MAN1A1: variants seen among roughly 807,000 people sequenced by gnomAD.
MAN1A1 encodes the protein mannosyl-oligosaccharide 1,2-alpha-mannosidase IA.
In MAN1A1, 29 loss-of-function variants were observed where a neutral mutation model predicts 70.8. The ratio of observed to expected loss-of-function variants is 0.41; its 90% CI spans 0.31 to 0.56. The LOEUF is 0.56. Among genes scored for constraint, MAN1A1 ranks in the 20% least tolerant of loss-of-function variants. MAN1A1 has a pLI of 0.29. For synonymous variants in MAN1A1, 349 were observed against 330.1 expected (o/e 1.06, Z -0.62); for missense variants, 747 against 841.3 (o/e 0.89, Z 1.39).
chr6:119,326,350 C>G (rs558360142), intron 2 of MAN1A1, among the ~76,000 whole-genome samples: 1 of 152,188 alleles, frequency 6.6e-6, no homozygotes, highest in Non-Finnish European at 1.5e-5. Flanking sequence ...TCTCTGGGCA[C>G]GAGCACCTGT....
At chr6:119,180,816 A>G (rs539699884) in intron 11 of MAN1A1, among the ~76,000 whole-genome samples, 14 of 152,258 alleles carry the variant, frequency 9.2e-5, no homozygotes, top group South Asian at 4.1e-4. Flanking sequence ...GCCCAGTCAA[A>G]ATTTATTTTT....
intron 2 of MAN1A1, chr6:119,327,178 C>A (rs781332148): frequency 6.6e-6 from 1 of 152,096 alleles, no homozygotes; most frequent in Non-Finnish European, 1.5e-5. Context: ...ATGCAAAGAA[C>A]ATTCTTCAGC....
At chr6:119,211,714 G>GGGT (rs1774055870) in intron 6 of MAN1A1, among the ~76,000 whole-genome samples, 1 of 152,060 alleles carries the variant, frequency 6.6e-6, no homozygotes, top group Admixed American at 6.5e-5. Context: ...AATAACAACA[G>GGGT]GGTGGTAACT....
intron 6 of MAN1A1, among the ~76,000 whole-genome samples, chr6:119,208,931 C>T (rs2114954867): frequency 6.6e-6 from 1 of 151,884 alleles, no homozygotes; most frequent in African/African-American, 2.4e-5. Context: ...CCCATCTCTA[C>T]AAAAAATACA....
At chr6:119,326,853 G>A (rs959829037) in intron 2 of MAN1A1, among the ~76,000 whole-genome samples, 9 of 152,136 alleles carry the variant, frequency 5.9e-5, no homozygotes, top group African/African-American at 1.9e-4. Flanking sequence ...AATGAGATAT[G>A]GGTGAGGACA....
At chr6:119,218,038 T>G (rs1337360352) in intron 6 of MAN1A1, among the ~76,000 whole-genome samples, 1 of 152,206 alleles carries the variant, frequency 6.6e-6, no homozygotes, top group Non-Finnish European at 1.5e-5. Flanking sequence ...GGTAGACATC[T>G]CCTAATTTTT....
intron 2 of MAN1A1, among the ~76,000 whole-genome samples, chr6:119,325,224 C>T (rs908786304): frequency 1.3e-5 from 2 of 152,134 alleles, no homozygotes; most frequent in Admixed American, 1.3e-4. Flanking sequence ...GTAACTTGCC[C>T]AAGTTCACTG....
intron 5 of MAN1A1, among the ~76,000 whole-genome samples, chr6:119,265,523 TTAAA>T (rs957033469): frequency 4.6e-5 from 7 of 152,302 alleles, no homozygotes; most frequent in African/African-American, 1.4e-4. Flanking sequence ...AATAAAAATT[TTAAA>T]TAAATAAACA....
At chr6:119,187,006 T>C (rs1188724332) in intron 11 of MAN1A1, among the ~76,000 whole-genome samples, 6 of 152,134 alleles carry the variant, frequency 3.9e-5, no homozygotes, top group Non-Finnish European at 5.9e-5. Context: ...TCATAACACA[T>C]AAACCAACCT....
At chr6:119,298,325 T>C (rs1349504938) in intron 4 of MAN1A1, among the ~76,000 whole-genome samples, 3 of 152,182 alleles carry the variant, frequency 2.0e-5, no homozygotes, top group East Asian at 3.9e-4. Context: ...TTAAAGTCAT[T>C]TGAACTTTGT....
At chr6:119,238,455 C>CGTA (rs1774916359) in intron 6 of MAN1A1, among the ~76,000 whole-genome samples, 1 of 152,040 alleles carries the variant, frequency 6.6e-6, no homozygotes, top group Admixed American at 6.6e-5. Flanking sequence ...GAAATGATAC[C>CGTA]CATCTTAAAA....
At chr6:119,255,877 A>G (rs1015352841) in intron 5 of MAN1A1, among the ~76,000 whole-genome samples, 5 of 152,222 alleles carry the variant, frequency 3.3e-5, no homozygotes, top group Admixed American at 6.5e-5. Flanking sequence ...ATTAAAAAAA[A>G]TTATGTGTTG....
At chr6:119,326,017 T>C (rs2114484131) in intron 2 of MAN1A1, among the ~76,000 whole-genome samples, 1 of 152,300 alleles carries the variant, frequency 6.6e-6, no homozygotes, top group African/African-American at 2.4e-5. Flanking sequence ...GCAACAGACC[T>C]GTTGTTAGGT....
intron 6 of MAN1A1, among the ~76,000 whole-genome samples, chr6:119,223,081 AAGAATATTTTAGAATG>A (rs1170797544): frequency 2.6e-5 from 4 of 152,168 alleles, no homozygotes; most frequent in African/African-American, 9.7e-5. Context: ...GAAACAGGAA[AAGAATATTTTAGAATG>A]AATATTTAGA....
intron 5 of MAN1A1, among the ~76,000 whole-genome samples, chr6:119,250,108 T>G (rs920153299): frequency 9.2e-5 from 14 of 152,182 alleles, no homozygotes; most frequent in African/African-American, 3.4e-4. Flanking sequence ...AAGGGTATAT[T>G]CTTCTTTCCC....
At chr6:119,302,289 C>T (rs1042182738) in intron 3 of MAN1A1, among the ~76,000 whole-genome samples, 186 bp from the exon 4 acceptor site, 2 of 151,948 alleles carry the variant, frequency 1.3e-5, no homozygotes, top group East Asian at 1.9e-4. Context: ...CACGGGCTAT[C>T]GACTGATATA....
At chr6:119,216,187 G>A (rs1774196110) in intron 6 of MAN1A1, among the ~76,000 whole-genome samples, 2 of 152,188 alleles carry the variant, frequency 1.3e-5, no homozygotes, top group Non-Finnish European at 2.9e-5. Context: ...CAGTGGAAAA[G>A]CATTCCAGGC....
intron 3 of MAN1A1, among the ~76,000 whole-genome samples, chr6:119,304,474 A>C (rs1357738621): frequency 6.6e-6 from 1 of 152,204 alleles, no homozygotes; most frequent in African/African-American, 2.4e-5. Context: ...CAAGCACAAA[A>C]TACCTCTCTT....
rs761390447 is a variant in MAN1A1, at chr6:119,306,939, T to C, written c.657A>G (p.Glu219=). ...NYKGYAWGLN[E]LKPISKGGHS... is the part of the protein sequence containing the mutation. ...GGCCTCCTTTTGATATAGGTTTGAG[T>C]TCATTTAATCCCCAGGCATAACCTT... Residue 219 remains glutamate, a synonymous_variant, in exon 3 of 13, where the codon GAA becomes GAG. Transcript: ENST00000368468. The C allele has an allele frequency of 1.9e-6, 3 of 1,601,916 alleles. No homozygotes were observed. The highest frequency in any genetic ancestry group is 3.3e-5 in the Admixed American group (2 of 59,978).
Sources: allele counts gnomAD v4.1 joint callset (sites outside exome capture counted in the v4.1 genomes callset), GRCh38; gene constraint gnomAD v4.1.1; transcripts MANE v1.5; gene names NCBI Gene and HGNC (gene_info 2026-07-23, HGNC 2026-07-21).